KCND2: variants seen among roughly 807,000 people sequenced by gnomAD.
KCND2 encodes the protein A-type voltage-gated potassium channel KCND2.
In KCND2, 16 loss-of-function variants were observed where a neutral mutation model predicts 54.4. The ratio of observed to expected loss-of-function variants is 0.29; its 90% CI spans 0.20 to 0.45. KCND2 has a LOEUF of 0.45. Ranked by LOEUF, KCND2 falls within the 20% of genes least tolerant of loss-of-function variation. KCND2 has a pLI of 1.00. For synonymous variants in KCND2, 317 were observed against 310.7 expected (o/e 1.02, Z -0.21); for missense variants, 486 against 824.2 (o/e 0.59, Z 5.02).
intron 1 of KCND2, among the ~76,000 whole-genome samples, chr7:120,309,852 T>A (rs1487305292): frequency 6.6e-6 from 1 of 152,162 alleles, no homozygotes; most frequent in Non-Finnish European, 1.5e-5. Context: ...ACATGATCCT[T>A]CATTGTCTAC....
chr7:120,721,479 A>G (rs1792665297), intron 1 of KCND2, among the ~76,000 whole-genome samples: 1 of 152,198 alleles, frequency 6.6e-6, no homozygotes, highest in South Asian at 2.1e-4. Context: ...CTTCTAAAAC[A>G]TAACTAATGT....
intron 1 of KCND2, among the ~76,000 whole-genome samples, chr7:120,646,598 G>T (rs1793445176): frequency 6.6e-6 from 1 of 152,086 alleles, no homozygotes; most frequent in Non-Finnish European, 1.5e-5. Flanking sequence ...CCACTTTAAG[G>T]TTAGATGAAT....
At chr7:120,686,402 T>C (rs946717071) in intron 1 of KCND2, among the ~76,000 whole-genome samples, 3 of 152,128 alleles carry the variant, frequency 2.0e-5, no homozygotes, top group African/African-American at 7.2e-5. Context: ...TATTTAACCT[T>C]TAAAAAGATG....
At chr7:120,523,704 CTGTGTGTG>C (rs199762798) in intron 1 of KCND2, among the ~76,000 whole-genome samples, 8,259 of 137,194 alleles carry the variant, frequency 0.06, 593 homozygotes, top group East Asian at 0.36. Context: ...CACACACACT[CTGTGTGTG>C]TGTGTGTGTG....
chr7:120,716,850 C>T (rs1469819392), intron 1 of KCND2, among the ~76,000 whole-genome samples: 1 of 151,976 alleles, frequency 6.6e-6, no homozygotes, highest in Non-Finnish European at 1.5e-5. Context: ...ACAGCAGTCC[C>T]CCATTATCTG....
intron 1 of KCND2, among the ~76,000 whole-genome samples, chr7:120,416,118 G>A (rs1357683587): frequency 6.6e-6 from 1 of 152,056 alleles, no homozygotes; most frequent in East Asian, 1.9e-4. Context: ...AATGTTCTCT[G>A]TAACCTGCCC....
At chr7:120,443,798 A>G (rs1306638712) in intron 1 of KCND2, among the ~76,000 whole-genome samples, 1 of 151,852 alleles carries the variant, frequency 6.6e-6, no homozygotes, top group African/African-American at 2.4e-5. Context: ...TGGCTTTTCT[A>G]GGGGGACAAC....
intron 1 of KCND2, among the ~76,000 whole-genome samples, chr7:120,705,657 G>A (rs1190437621): frequency 1.3e-5 from 2 of 152,016 alleles, no homozygotes; most frequent in African/African-American, 4.8e-5. Context: ...TTATCAAGAA[G>A]GATTATTTTG....
chr7:120,494,138 T>C (rs558207002), intron 1 of KCND2, among the ~76,000 whole-genome samples: 8 of 152,206 alleles, frequency 5.3e-5, no homozygotes, highest in African/African-American at 1.7e-4. Flanking sequence ...AATAAAATAA[T>C]AAGTAAAGCA....
intron 1 of KCND2, among the ~76,000 whole-genome samples, chr7:120,712,909 A>G (rs1792558048): frequency 6.6e-6 from 1 of 152,014 alleles, no homozygotes; most frequent in Non-Finnish European, 1.5e-5. Context: ...CATGCACAAC[A>G]CCTGTAGATG....
chr7:120,486,480 G>A (rs796281269), intron 1 of KCND2, among the ~76,000 whole-genome samples: 18 of 152,128 alleles, frequency 1.2e-4, no homozygotes, highest in African/African-American at 4.3e-4. Context: ...TAAGATAGGG[G>A]TTAGTTAGCC....
intron 1 of KCND2, among the ~76,000 whole-genome samples, chr7:120,429,549 A>C (rs913127968): frequency 7.9e-5 from 12 of 151,904 alleles, no homozygotes; most frequent in Non-Finnish European, 1.8e-4. Flanking sequence ...GGGGAAGAGG[A>C]AGAAGAAGAA....
chr7:120,376,471 T>C (rs1255597888), intron 1 of KCND2, among the ~76,000 whole-genome samples: 1 of 150,992 alleles, frequency 6.6e-6, no homozygotes, highest in Non-Finnish European at 1.5e-5. Context: ...TTTTTACTTA[T>C]ATTTTTATAA....
At chr7:120,367,019 A>T (rs577681376) in intron 1 of KCND2, among the ~76,000 whole-genome samples, 1 of 152,248 alleles carries the variant, frequency 6.6e-6, no homozygotes, top group Admixed American at 6.6e-5. Context: ...GTGTAACCAC[A>T]GGCGTAGTTA....
intron 1 of KCND2, among the ~76,000 whole-genome samples, chr7:120,492,469 G>C (rs1438873085): frequency 1.3e-5 from 2 of 151,722 alleles, no homozygotes; most frequent in African/African-American, 4.8e-5. Flanking sequence ...ACCATAAGCT[G>C]GGCAGCTTAT....
At chr7:120,391,086 G>T (rs1321897014) in intron 1 of KCND2, among the ~76,000 whole-genome samples, 2 of 151,976 alleles carry the variant, frequency 1.3e-5, no homozygotes, top group Non-Finnish European at 2.9e-5. Flanking sequence ...CTGCCCAACA[G>T]GCCCTGGTAT....
chr7:120,497,258 T>C (rs995594032), intron 1 of KCND2, among the ~76,000 whole-genome samples: 2 of 152,200 alleles, frequency 1.3e-5, no homozygotes, highest in African/African-American at 4.8e-5. Context: ...GTGGACAAGC[T>C]TTCAATGTCC....
chr7:120,408,191 C>T lies in KCND2; in HGVS notation c.1115+132444C>T, dbSNP rs149201108. On this transcript the variant is annotated intron_variant, in intron 1 of 5. Coordinates refer to ENST00000331113, the MANE Select transcript of KCND2 (RefSeq NM_012281.3). ...GAGAATACATGTTGAGTTTGTAGCTCGAAATACTAAATGAAAAATATCATC... is the reference window on the plus strand; with the variant it reads ...GAGAATACATGTTGAGTTTGTAGCTTGAAATACTAAATGAAAAATATCATC... 3.5e-3 allele frequency among the ~76,000 whole-genome samples: 533 copies of T among 151,676 alleles called. 1 individual carries two copies. Among genetic ancestry groups the T allele is most frequent in the African/African-American group, 6.7e-3 (279 of 41,358 alleles).
chr7:120,424,586 T>C (rs558282309), intron 1 of KCND2, among the ~76,000 whole-genome samples: 14 of 152,318 alleles, frequency 9.2e-5, no homozygotes, highest in African/African-American at 3.1e-4. Flanking sequence ...AAAAGACATA[T>C]TTGATATGGA....
Sources: allele counts gnomAD v4.1 joint callset (sites outside exome capture counted in the v4.1 genomes callset), GRCh38; gene constraint gnomAD v4.1.1; transcripts MANE v1.5; gene names NCBI Gene and HGNC (gene_info 2026-07-23, HGNC 2026-07-21).